Variants in PDE10A observed in about 807,000 individuals in gnomAD.
The protein encoded by PDE10A is cAMP and cAMP-inhibited cGMP 3',5'-cyclic phosphodiesterase 10A.
PDE10A carries 39 observed loss-of-function variants against 97.7 expected under a neutral mutation model. The ratio of observed to expected loss-of-function variants is 0.40; its 90% CI spans 0.31 to 0.52. The LOEUF (loss-of-function observed/expected upper bound fraction) is 0.52, where lower values mean the gene tolerates loss of function less well. Among genes scored for constraint, PDE10A ranks in the 20% least tolerant of loss-of-function variants. PDE10A has a pLI of 0.56. For missense variants in PDE10A, 731 were observed against 1,047.8 expected, an observed-to-expected ratio of 0.70 and a Z score of 4.17; for synonymous variants, 371 against 376.8, an observed-to-expected ratio of 0.98 and a Z score of 0.18.
intron 2 of PDE10A, among the ~76,000 whole-genome samples, chr6:165,502,800 T>C (rs1780966017): frequency 6.6e-6 from 1 of 152,076 alleles, no homozygotes; most frequent in African/African-American, 2.4e-5. Flanking sequence ...TGAACTATAA[T>C]GACAAAAGGC....
At chr6:165,444,093 T>C (rs1208650944) in intron 5 of PDE10A, among the ~76,000 whole-genome samples, 1 of 152,130 alleles carries the variant, frequency 6.6e-6, no homozygotes, top group African/African-American at 2.4e-5. Context: ...CATGAACACA[T>C]ATGACTGTGC....
chr6:165,565,288 C>G (rs1784719527), intron 1 of PDE10A, among the ~76,000 whole-genome samples: 1 of 152,094 alleles, frequency 6.6e-6, no homozygotes, highest in Non-Finnish European at 1.5e-5. Flanking sequence ...AAATCAGTAT[C>G]TTTCCTATAT....
chr6:165,637,415 C>T (rs1788927974), intron 1 of PDE10A, among the ~76,000 whole-genome samples: 1 of 152,274 alleles, frequency 6.6e-6, no homozygotes. Context: ...GTGTCCTTAA[C>T]GTGCAAGGTT....
intron 3 of PDE10A, among the ~76,000 whole-genome samples, chr6:165,476,060 A>T (rs1365606999): frequency 1.3e-5 from 2 of 152,184 alleles, no homozygotes; most frequent in South Asian, 2.1e-4. Context: ...TAGTAAACAG[A>T]CATAAGGATA....
intron 1 of PDE10A, chr6:165,939,555 A>C (rs898264265): frequency 3.3e-5 from 5 of 152,070 alleles, no homozygotes; most frequent in African/African-American, 1.2e-4. Context: ...TTTAGTGATG[A>C]TTTTTCAGAT....
chr6:165,751,290 T>C (rs760038456), intron 1 of PDE10A, among the ~76,000 whole-genome samples: 1 of 152,154 alleles, frequency 6.6e-6, no homozygotes, highest in Non-Finnish European at 1.5e-5. Flanking sequence ...CTTTTCTGCT[T>C]TTGCACCTCC....
At chr6:165,912,792 G>A (rs1019714258) in intron 1 of PDE10A, among the ~76,000 whole-genome samples, 4 of 152,198 alleles carry the variant, frequency 2.6e-5, no homozygotes, top group African/African-American at 9.7e-5. Flanking sequence ...AATGTGACCA[G>A]AGGGTCACAG....
intron 2 of PDE10A, among the ~76,000 whole-genome samples, chr6:165,512,973 C>T (rs1364458064): frequency 6.6e-6 from 1 of 151,878 alleles, no homozygotes; most frequent in Non-Finnish European, 1.5e-5. Flanking sequence ...ATCATTCATA[C>T]TCAGATCTGT....
chr6:165,971,139 CAA>C (rs561166750), intron 1 of PDE10A, among the ~76,000 whole-genome samples: 1 of 140,338 alleles, frequency 7.1e-6, no homozygotes. Context: ...CAGAGGGAGA[CAA>C]AAAAAAAAAG....
intron 1 of PDE10A, among the ~76,000 whole-genome samples, chr6:165,866,684 GAGTC>G (rs1781062619): frequency 1.4e-5 from 2 of 140,514 alleles, no homozygotes; most frequent in Non-Finnish European, 3.1e-5. Context: ...CAACAAAAAA[GAGTC>G]AGTTCTTTCA....
intron 1 of PDE10A, among the ~76,000 whole-genome samples, chr6:165,772,291 A>G (rs960596276): frequency 6.6e-6 from 1 of 152,202 alleles, no homozygotes; most frequent in Non-Finnish European, 1.5e-5. Context: ...ATTAAATGCA[A>G]CAGGCTAAAT....
intron 13 of PDE10A, among the ~76,000 whole-genome samples, chr6:165,402,180 A>G (rs915459806): frequency 1.9e-4 from 29 of 152,054 alleles, no homozygotes; most frequent in African/African-American, 6.8e-4. Context: ...TTGTCATTTT[A>G]TATGTTTATG....
chr6:165,573,630 C>T (rs1029714802), intron 1 of PDE10A, among the ~76,000 whole-genome samples: 6 of 152,120 alleles, frequency 3.9e-5, no homozygotes, highest in South Asian at 4.1e-4. Flanking sequence ...TAAGTGGCAA[C>T]GAACTGATCA....
At position 165,407,927 on chromosome 6, in the gene PDE10A, C is replaced by T. The variant is rs893685541; in HGVS notation, c.2076+5574G>A. 3.9e-5 allele frequency among the ~76,000 whole-genome samples: 6 copies of T among 152,100 alleles called. No homozygotes were observed. The East Asian group carries it at 9.6e-4, about 24-fold the overall frequency. On this transcript the variant is annotated intron_variant, in intron 13 of 21. Transcript: ENST00000539869. ...AAAGAGAGATGCTGCCAATCAGAGACGTTCCCCTTTAATTAAATAAAAGGA... is the reference window on the plus strand; with the variant it reads ...AAAGAGAGATGCTGCCAATCAGAGATGTTCCCCTTTAATTAAATAAAAGGA...
chr6:165,574,182 G>A (rs1785191007), intron 1 of PDE10A, among the ~76,000 whole-genome samples: 1 of 151,970 alleles, frequency 6.6e-6, no homozygotes, highest in Non-Finnish European at 1.5e-5. Flanking sequence ...AGCTGTATAT[G>A]AGAACCACTT....
intron 2 of PDE10A, among the ~76,000 whole-genome samples, chr6:165,502,180 A>G (rs1402235688): frequency 6.6e-6 from 1 of 152,224 alleles, no homozygotes; most frequent in African/African-American, 2.4e-5. Flanking sequence ...TGTGTATAAG[A>G]AAACAGGAGA....
intron 1 of PDE10A, among the ~76,000 whole-genome samples, chr6:165,793,524 C>T (rs534577431): frequency 6.6e-6 from 1 of 152,226 alleles, no homozygotes; most frequent in Admixed American, 6.5e-5. Context: ...ACAGTGCGCT[C>T]CCTGAAATCT....
chr6:165,503,733 G>GT (rs1781033684), intron 2 of PDE10A, among the ~76,000 whole-genome samples: 1 of 152,008 alleles, frequency 6.6e-6, no homozygotes, highest in African/African-American at 2.4e-5. Flanking sequence ...ATAGTTTGGC[G>GT]TTTTCTGAAA....
chr6:165,600,051 G>A (rs1406188124), intron 1 of PDE10A, among the ~76,000 whole-genome samples: 2 of 152,108 alleles, frequency 1.3e-5, no homozygotes, highest in African/African-American at 2.4e-5. Flanking sequence ...ATCACAGTCC[G>A]ACCGGGGAAT....
Sources: gnomAD v4.1 joint callset for allele counts (sites outside exome capture counted in the v4.1 genomes callset) on GRCh38, gnomAD v4.1.1 for gene constraint, MANE v1.5 for transcripts, NCBI Gene and HGNC (gene_info 2026-07-23, HGNC 2026-07-21) for gene names.